The following LOXHD1 variants were observed in gnomAD, a reference collection of about 807,000 sequenced individuals.
LOXHD1 encodes lipoxygenase homology PLAT domains 1.
In LOXHD1, 205 loss-of-function variants were observed where a neutral mutation model predicts 248.2. The observed-to-expected ratio is 0.83, with a 90% CI of 0.74 to 0.93. The LOEUF is 0.93. Among genes scored for constraint, LOXHD1 ranks in the 40% least tolerant of loss-of-function variants. LOXHD1 has a pLI of 0.00. For missense variants in LOXHD1, 2,930 were observed against 2,971.6 expected, an observed-to-expected ratio of 0.99 and a Z score of 0.33; for synonymous variants, 1,113 against 1,162.8, an observed-to-expected ratio of 0.96 and a Z score of 0.87.
At chr18:46,575,867 G>A (rs2037843830) in intron 14 of LOXHD1, among the ~76,000 whole-genome samples, 1 of 152,174 alleles carries the variant, frequency 6.6e-6, no homozygotes, top group Non-Finnish European at 1.5e-5. Context: ...TATCCCCAGA[G>A]GCCAGACAGG....
chr18:46,629,416 A>G (rs12959167), intron 4 of LOXHD1, among the ~76,000 whole-genome samples: 15 of 152,184 alleles, frequency 9.9e-5, no homozygotes, highest in Non-Finnish European at 1.9e-4. Context: ...TTATGCTCCA[A>G]TCATGCAGGG....
At chr18:46,656,793 T>C (rs1338915534) in intron 1 of LOXHD1, 111 bp downstream of exon 1, 15 of 1,234,688 alleles carry the variant, frequency 1.2e-5, no homozygotes, top group Middle Eastern at 5.1e-4. Context: ...GGATAATCAG[T>C]GAGGAAGGGC....
chr18:46,626,275 G>A (rs1345506157), intron 4 of LOXHD1, among the ~76,000 whole-genome samples: 1 of 152,176 alleles, frequency 6.6e-6, no homozygotes, highest in East Asian at 1.9e-4. Context: ...AGATGGGCCA[G>A]GCACAGTGAC....
intron 8 of LOXHD1, 104 bp downstream of exon 8, chr18:46,601,113 T>G (rs982336552): frequency 1.4e-5 from 20 of 1,397,362 alleles, no homozygotes; most frequent in Admixed American, 2.3e-5. Context: ...CCATGCACTC[T>G]GTAACTAGTT....
intron 21 of LOXHD1, among the ~76,000 whole-genome samples, chr18:46,549,289 G>C (rs527264622): frequency 6.6e-6 from 1 of 152,344 alleles, no homozygotes; most frequent in African/African-American, 2.4e-5. Context: ...GGTTGAAACT[G>C]AGCATCGAAC....
intron 34 of LOXHD1, among the ~76,000 whole-genome samples, chr18:46,514,967 G>T (rs995956458): frequency 1.3e-5 from 2 of 152,172 alleles, no homozygotes; most frequent in Non-Finnish European, 2.9e-5. Flanking sequence ...ACCTTTTAGG[G>T]CATCATATTT....
chr18:46,498,233 C>T (rs1253746895), intron 37 of LOXHD1, among the ~76,000 whole-genome samples: 5 of 152,178 alleles, frequency 3.3e-5, no homozygotes, highest in Admixed American at 2.0e-4. Flanking sequence ...GCAGTTAAAC[C>T]CTGCTGACTC....
intron 33 of LOXHD1, 72 bp from the exon 34 acceptor site, chr18:46,518,328 A>T: frequency 6.6e-7 from 1 of 1,507,002 alleles, no homozygotes; most frequent in Middle Eastern, 1.7e-4. Flanking sequence ...CCTCAGTCTC[A>T]CCAGAGAAAG....
At chr18:46,544,398 A>C (rs756365006) in intron 23 of LOXHD1, among the ~76,000 whole-genome samples, 1 of 152,266 alleles carries the variant, frequency 6.6e-6, no homozygotes, top group Non-Finnish European at 1.5e-5. Context: ...TAATAAAAGC[A>C]GTTGCCAAAG....
intron 5 of LOXHD1, among the ~76,000 whole-genome samples, chr18:46,614,124 C>A (rs931323114): frequency 2.0e-5 from 3 of 152,186 alleles, no homozygotes; most frequent in Non-Finnish European, 4.4e-5. Context: ...GTTGGTGGGA[C>A]TGCAAACTAG....
At chr18:46,571,118 A>G (rs961198290) in intron 15 of LOXHD1, among the ~76,000 whole-genome samples, 1 of 152,194 alleles carries the variant, frequency 6.6e-6, no homozygotes, top group Non-Finnish European at 1.5e-5. Context: ...CTGAGACCAG[A>G]AATGGGACAC....
intron 25 of LOXHD1, among the ~76,000 whole-genome samples, chr18:46,540,817 G>T (rs993839623): frequency 6.6e-6 from 1 of 152,098 alleles, no homozygotes; most frequent in African/African-American, 2.4e-5. Flanking sequence ...GGGAATAGAG[G>T]CTGGATCCAG....
At chr18:46,499,167 C>T (rs567113773) in intron 37 of LOXHD1, among the ~76,000 whole-genome samples, 2 of 152,314 alleles carry the variant, frequency 1.3e-5, no homozygotes, top group East Asian at 1.9e-4. Flanking sequence ...AAGACAATTA[C>T]AGTTCAGTGT....
chr18:46,638,853 T>A (rs927537816), intron 4 of LOXHD1, among the ~76,000 whole-genome samples: 1 of 152,304 alleles, frequency 6.6e-6, no homozygotes, highest in East Asian at 1.9e-4. Context: ...GTTAGCCTTC[T>A]GTTGTTCAAC....
At position 46,524,746 on chromosome 18, in the gene LOXHD1, T is replaced by C. The variant is rs2035745575; in HGVS notation, c.4702A>G (p.Lys1568Glu). 6.4e-7 allele frequency: 1 copy of C among 1,551,564 alleles called. No individual in the cohort carries two copies. The highest frequency in any genetic ancestry group is 2.0e-5 in the Admixed American group (1 of 50,988). The change falls in exon 30 of 41, where the codon AAG (lysine) becomes GAG (glutamate). Residue 1568 changes from lysine (K) to glutamate (E), a missense_variant. Transcript: ENST00000642948. ...AGCCTCTCGAGTCGCCCATCCTCCT[T>C]CTTCAGGGAGAGCCAGCGCCCGCAT... Reference protein sequence around the residue: ...FLCGRWLSLKKEDGRLERLFY... With the variant: ...FLCGRWLSLKEEDGRLERLFY...
intron 4 of LOXHD1, among the ~76,000 whole-genome samples, chr18:46,638,295 A>G (rs2038918407): frequency 6.6e-6 from 1 of 152,226 alleles, no homozygotes; most frequent in African/African-American, 2.4e-5. Flanking sequence ...CAATGATCAA[A>G]TTTGGTTTCT....
chr18:46,633,299 G>C (rs1398310746), intron 4 of LOXHD1, among the ~76,000 whole-genome samples: 2 of 152,184 alleles, frequency 1.3e-5, no homozygotes, highest in East Asian at 1.9e-4. Flanking sequence ...GAATAGAACA[G>C]AGAGCCCAGA....
intron 21 of LOXHD1, among the ~76,000 whole-genome samples, chr18:46,547,769 G>T (rs1232564724): frequency 6.6e-6 from 1 of 152,150 alleles, no homozygotes; most frequent in Non-Finnish European, 1.5e-5. Flanking sequence ...TTATCTCTCT[G>T]TGCTAGGGTT....
intron 2 of LOXHD1, among the ~76,000 whole-genome samples, chr18:46,648,762 G>T (rs1355126632): frequency 6.6e-6 from 1 of 152,192 alleles, no homozygotes; most frequent in African/African-American, 2.4e-5. Flanking sequence ...GTGAGACCTT[G>T]TATTTTATGC....
Sources: gnomAD v4.1 joint callset for allele counts (sites outside exome capture counted in the v4.1 genomes callset) on GRCh38, gnomAD v4.1.1 for gene constraint, MANE v1.5 for transcripts, NCBI Gene and HGNC (gene_info 2026-07-23, HGNC 2026-07-21) for gene names.